Variants in TRPC5 observed in about 807,000 individuals in gnomAD.
The protein encoded by TRPC5 is short transient receptor potential channel 5.
A neutral mutation model predicts 56.5 loss-of-function variants in TRPC5; 9 were observed. That is an observed-to-expected ratio of 0.16 (90% confidence interval 0.10 to 0.28). The LOEUF is 0.28. Among genes scored for constraint, TRPC5 ranks in the 10% least tolerant of loss-of-function variants. The pLI is 1.00. For missense variants in TRPC5, 469 were observed against 748.9 expected, an observed-to-expected ratio of 0.63 and a Z score of 4.36; for synonymous variants, 282 against 278.5, an observed-to-expected ratio of 1.01 and a Z score of -0.13.
At chrX:111,958,136 G>T (rs924100326) in intron 1 of TRPC5, among the ~76,000 whole-genome samples, 1 of 111,601 alleles carries the variant, frequency 9.0e-6, no homozygotes, top group African/African-American at 3.3e-5. Flanking sequence ...TGATCACATA[G>T]GGGTCCTTAC....
rs757782714 is a variant in TRPC5 at position 111,768,124 on chromosome X, T to TA, written c.*8188dup. Reference sequence around the variant, plus strand: ...TACATTAAGATTGACACTGTGCACTTACAGAAAGTGTTTAAATAAAAGTGA... The same window carrying TA: ...TACATTAAGATTGACACTGTGCACTTAACAGAAAGTGTTTAAATAAAAGTGA... On this transcript the variant is annotated 3_prime_UTR_variant, in exon 11 of 11. Coordinates refer to ENST00000262839, the MANE Select transcript of TRPC5 (RefSeq NM_012471.3). Among the ~76,000 whole-genome samples the TA allele has an allele frequency of 1.8e-5, 2 of 112,541 alleles. No individual in the cohort carries two copies. The highest frequency in any genetic ancestry group is 6.4e-5 in the African/African-American group (2 of 31,104).
intron 1 of TRPC5, among the ~76,000 whole-genome samples, chrX:112,051,457 A>T (rs1351355101): frequency 1.8e-5 from 2 of 111,750 alleles, no homozygotes; most frequent in Non-Finnish European, 3.8e-5. Context: ...TGTCTGCCTC[A>T]ATAAGTGAGA....
At chrX:112,002,396 C>T (rs949665592) in intron 1 of TRPC5, among the ~76,000 whole-genome samples, 3 of 111,702 alleles carry the variant, frequency 2.7e-5, no homozygotes, top group Non-Finnish European at 5.6e-5. Context: ...TCAAGTGATC[C>T]TCCAGACTCA....
intron 3 of TRPC5, among the ~76,000 whole-genome samples, chrX:111,858,988 T>C (rs1923318861): frequency 8.9e-6 from 1 of 112,078 alleles, no homozygotes; most frequent in Admixed American, 9.5e-5. Flanking sequence ...GGGCGACGTG[T>C]TCTTTCTGGC....
intron 1 of TRPC5, among the ~76,000 whole-genome samples, chrX:112,013,066 A>ATATAGCCC (rs1406465549): frequency 8.9e-6 from 1 of 112,269 alleles, no homozygotes; most frequent in Non-Finnish European, 1.9e-5. Context: ...TTTTGTATTT[A>ATATAGCCC]TATAGCCCTA....
chrX:112,004,477 C>T (rs1331083728), intron 1 of TRPC5, among the ~76,000 whole-genome samples: 3 of 112,147 alleles, frequency 2.7e-5, no homozygotes, highest in Non-Finnish European at 5.6e-5. Context: ...CTTCCTGGAA[C>T]CACACTATCA....
chrX:111,840,981 C>T (rs1922713057), intron 6 of TRPC5, among the ~76,000 whole-genome samples: 1 of 111,707 alleles, frequency 9.0e-6, no homozygotes, highest in Non-Finnish European at 1.9e-5. Flanking sequence ...AAGAAAAGTA[C>T]AAACGAGTAG....
intron 7 of TRPC5, among the ~76,000 whole-genome samples, chrX:111,790,425 G>A (rs183140959): frequency 3.6e-5 from 4 of 110,820 alleles, no homozygotes; most frequent in African/African-American, 1.3e-4. Flanking sequence ...GGGGGACTGG[G>A]GGAGGGATAG....
intron 1 of TRPC5, among the ~76,000 whole-genome samples, chrX:112,080,010 T>C (rs1321634675): frequency 8.9e-6 from 1 of 111,892 alleles, no homozygotes; most frequent in Non-Finnish European, 1.9e-5. Flanking sequence ...TTCCTACCTG[T>C]CTGCAACCCG....
At chrX:111,836,886 C>A (rs1399044088) in intron 6 of TRPC5, among the ~76,000 whole-genome samples, 1 of 112,160 alleles carries the variant, frequency 8.9e-6, no homozygotes, top group East Asian at 2.8e-4. Context: ...ACAAAAAGGG[C>A]TAGTTTATTT....
chrX:111,949,635 A>G (rs1927022025), intron 2 of TRPC5, among the ~76,000 whole-genome samples: 2 of 111,970 alleles, frequency 1.8e-5, no homozygotes, highest in Non-Finnish European at 3.8e-5. Flanking sequence ...AATCAAAACC[A>G]CAGAGCGATA....
chrX:112,001,302 C>T (rs1928688775), intron 1 of TRPC5, among the ~76,000 whole-genome samples: 1 of 111,979 alleles, frequency 8.9e-6, no homozygotes, highest in Admixed American at 9.5e-5. Context: ...GCTGTGAGAC[C>T]TCAAGAAACT....
intron 1 of TRPC5, among the ~76,000 whole-genome samples, chrX:112,011,604 G>A (rs180859457): frequency 8.9e-6 from 1 of 111,974 alleles, no homozygotes; most frequent in African/African-American, 3.2e-5. Context: ...GCATGCTAGG[G>A]CTTCTGCAGC....
At chrX:112,006,933 T>C in intron 1 of TRPC5, among the ~76,000 whole-genome samples, 1 of 111,195 alleles carries the variant, frequency 9.0e-6, no homozygotes, top group Non-Finnish European at 1.9e-5. Flanking sequence ...TTCAAGGTGG[T>C]AACAGCAGAG....
intron 2 of TRPC5, among the ~76,000 whole-genome samples, chrX:111,917,446 C>T (rs2148622750): frequency 8.9e-6 from 1 of 112,254 alleles, no homozygotes; most frequent in East Asian, 2.8e-4. Flanking sequence ...GAGAAGAAAT[C>T]AAGGGTATTG....
At chrX:111,813,427 A>G (rs1352767662) in intron 7 of TRPC5, among the ~76,000 whole-genome samples, 1 of 112,105 alleles carries the variant, frequency 8.9e-6, no homozygotes, top group Non-Finnish European at 1.9e-5. Flanking sequence ...ATTTGTCCAG[A>G]TTCTGAGCAC....
chrX:111,780,811 T>A (rs1444580906), intron 9 of TRPC5, among the ~76,000 whole-genome samples: 1 of 111,926 alleles, frequency 8.9e-6, no homozygotes, highest in African/African-American at 3.2e-5. Context: ...ATCTTTTTTG[T>A]TCATAGTGAT....
chrX:111,910,568 A>G (rs1364504873), intron 3 of TRPC5, among the ~76,000 whole-genome samples: 1 of 112,505 alleles, frequency 8.9e-6, no homozygotes, highest in Admixed American at 9.4e-5. Context: ...GTCTCACTCT[A>G]TCGCCCAGGC....
rs1421597397 is a variant in TRPC5, at chrX:111,770,037, A to G, written c.*6276T>C. Among the ~76,000 whole-genome samples the G allele has an allele frequency of 9.0e-6, 1 of 111,687 alleles. No individual in the cohort carries two copies. Among genetic ancestry groups the G allele is most frequent in the African/African-American group, 3.2e-5 (1 of 30,784 alleles). ...TATGGCTTTTTAAGGTGACTACTTT[A>G]AAGGACCACGTTCATTTGGGTGCAT... On this transcript the variant is annotated 3_prime_UTR_variant, in exon 11 of 11. Transcript: ENST00000262839.
Sources: gnomAD v4.1 joint callset for allele counts (sites outside exome capture counted in the v4.1 genomes callset) on GRCh38, gnomAD v4.1.1 for gene constraint, MANE v1.5 for transcripts, NCBI Gene and HGNC (gene_info 2026-07-23, HGNC 2026-07-21) for gene names.